Variants in ZC3H4 observed in about 807,000 individuals in gnomAD.
The protein encoded by ZC3H4 is zinc finger CCCH domain-containing protein 4.
ZC3H4 carries 13 observed loss-of-function variants against 108.3 expected under a neutral mutation model. That is an observed-to-expected ratio of 0.12 (90% CI 0.08 to 0.19). The LOEUF is 0.19. Among genes scored for constraint, ZC3H4 ranks in the 10% least tolerant of loss-of-function variants. The pLI is 1.00. For synonymous variants in ZC3H4, 917 were observed against 749.6 expected (o/e 1.22, Z -3.65); for missense variants, 1,734 against 1,838.8 (o/e 0.94, Z 1.04).
chr19:47,086,605 C>T (rs925771218), intron 5 of ZC3H4, 67 bp from the exon 6 acceptor site: 2 of 1,496,756 alleles, frequency 1.3e-6, no homozygotes, highest in African/African-American at 1.4e-5. Context: ...AGAAGACAAC[C>T]CACATTTTGC....
intron 2 of ZC3H4, among the ~76,000 whole-genome samples, chr19:47,101,318 A>C (rs567492183): frequency 1.3e-5 from 2 of 151,922 alleles, no homozygotes; most frequent in South Asian, 4.2e-4. Context: ...TGGGCAACAG[A>C]GTGAGACCCT....
chr19:47,079,958 C>T (rs1472157450), intron 11 of ZC3H4, among the ~76,000 whole-genome samples: 2 of 152,160 alleles, frequency 1.3e-5, no homozygotes, highest in Admixed American at 1.3e-4. Context: ...CCTACAGGCG[C>T]CCTGCCAACG....
At chr19:47,085,236 C>T in intron 7 of ZC3H4, 41 bp from the exon 8 acceptor site, 1 of 1,579,100 alleles carries the variant, frequency 6.3e-7, no homozygotes, top group Non-Finnish European at 8.6e-7. Flanking sequence ...TGACCACCCC[C>T]TCCCCCACCC....
At chr19:47,076,685 C>T (rs2057427567) in intron 11 of ZC3H4, among the ~76,000 whole-genome samples, 1 of 151,866 alleles carries the variant, frequency 6.6e-6, no homozygotes, top group African/African-American at 2.4e-5. Flanking sequence ...GAAACCTTAT[C>T]TCTACTAAAA....
intron 2 of ZC3H4, among the ~76,000 whole-genome samples, chr19:47,105,650 T>C (rs542094718): frequency 1.3e-5 from 2 of 152,084 alleles, no homozygotes; most frequent in African/African-American, 4.8e-5. Flanking sequence ...ACAGGCTGGG[T>C]GGGCTGGCTT....
intron 4 of ZC3H4, 50 bp downstream of exon 4, chr19:47,093,920 G>A (rs2057778115): frequency 6.5e-7 from 1 of 1,531,636 alleles, no homozygotes; most frequent in Non-Finnish European, 9.0e-7. Flanking sequence ...AACACAAGCA[G>A]TTGAACTCCT....
At chr19:47,091,244 C>A (rs558807425) in intron 4 of ZC3H4, among the ~76,000 whole-genome samples, 35 of 152,038 alleles carry the variant, frequency 2.3e-4, no homozygotes, top group African/African-American at 8.2e-4. Flanking sequence ...TGCACTCCAA[C>A]CAGGGTGACA....
At chr19:47,092,816 C>A (rs1002541346) in intron 4 of ZC3H4, among the ~76,000 whole-genome samples, 1 of 146,834 alleles carries the variant, frequency 6.8e-6, no homozygotes, top group Non-Finnish European at 1.5e-5. Context: ...GACTCCGTCT[C>A]AATAAATAAA....
At chr19:47,068,681 G>A (rs1532127) in intron 14 of ZC3H4, among the ~76,000 whole-genome samples, 76,731 of 152,124 alleles carry the variant, frequency 0.5, 22,697 homozygotes, top group Non-Finnish European at 0.68. Flanking sequence ...ACTGAGACTC[G>A]GTGGCTCGTG....
chr19:47,106,673 A>C (rs960863192), intron 2 of ZC3H4, among the ~76,000 whole-genome samples: 26 of 152,260 alleles, frequency 1.7e-4, no homozygotes, highest in African/African-American at 6.3e-4. Flanking sequence ...AAGGTAGGCC[A>C]GACACAGAGG....
Position 47,081,588 on chromosome 19 carries a change from C to T in ZC3H4, c.1365G>A (p.Gly455=), listed in dbSNP as rs1187163486. 6.2e-7 allele frequency: 1 copy of T among 1,614,210 alleles called. No individual in the cohort carries two copies. Among genetic ancestry groups the T allele is most frequent in the East Asian group, 2.2e-5 (1 of 44,892 alleles). ...TGCAGTCGTCACCATTGATGCAGTT[C>T]CCAGTGGTGTGGTACAGCTTACACG... ...DFPCKLYHTT[G]NCINGDDCMF... The change falls in exon 11 of 15, where the codon GGG becomes GGA. Residue 455 remains glycine (G), a synonymous_variant. Coordinates refer to ENST00000253048, the MANE Select transcript of ZC3H4 (RefSeq NM_015168.2).
chr19:47,081,363 C>A, intron 11 of ZC3H4, 150 bp downstream of exon 11: 1 of 647,638 alleles, frequency 1.5e-6, no homozygotes, highest in Non-Finnish European at 2.8e-6. Context: ...GAAGAGGACA[C>A]AGTGCCCGTG....
rs767093518 is a variant in ZC3H4 at position 47,084,427 on chromosome 19, C to T, written c.1136G>A (p.Arg379His). 12 of 1,614,076 alleles carry T rather than the reference C, an allele frequency of 7.4e-6. No individual in the cohort carries two copies. In the Admixed American group the frequency reaches 1.2e-4, roughly 16 times the overall value. ...GDGGGGSYRS[R>H]DHDKPHQQSD... ...CTGCTGGTGGGGCTTGTCATGGTCA[C>T]GACTCCGGTAGCTTCCACCACCACC... is the stretch of plus-strand genomic sequence containing the variant. Residue 379 changes from arginine (R) to histidine (H), a missense_variant, in exon 9 of 15, where the codon CGT becomes CAT. By Grantham distance (29) the Arg-to-His change is conservative. This residue lies in a region of ZC3H4 where 403 missense variants were observed against 457.0 expected (regional missense o/e 0.88). Transcript: ENST00000253048.
At chr19:47,086,636 GCTGCCTCCTCCTCCTTCTCCTCCT>G in intron 5 of ZC3H4, 98 bp from the exon 6 acceptor site, 1 of 1,447,018 alleles carries the variant, frequency 6.9e-7, no homozygotes, top group Non-Finnish European at 9.0e-7. Context: ...AATCACTTCA[GCTGCCTCCTCCTCCTTCTCCTCCT>G]CCTCCTCCTC....
chr19:47,083,410 G>A (rs1165123662), intron 9 of ZC3H4, among the ~76,000 whole-genome samples: 2 of 152,004 alleles, frequency 1.3e-5, no homozygotes, highest in Non-Finnish European at 2.9e-5. Context: ...TTTCTCAACA[G>A]AATAGAAATT....
chr19:47,084,879 A>G (rs1257112764), intron 8 of ZC3H4, among the ~76,000 whole-genome samples, 177 bp downstream of exon 8: 8 of 152,246 alleles, frequency 5.3e-5, no homozygotes, highest in Non-Finnish European at 1.2e-4. Context: ...TCTCAGCAGC[A>G]GCGCATCTCC....
chr19:47,084,307 T>G, intron 9 of ZC3H4, 38 bp downstream of exon 9: 1 of 1,595,580 alleles, frequency 6.3e-7, no homozygotes, highest in Non-Finnish European at 8.6e-7. Flanking sequence ...CTGGGGGCTA[T>G]GGCCTCCTAG....
intron 11 of ZC3H4, among the ~76,000 whole-genome samples, chr19:47,077,496 A>G (rs1419268267): frequency 6.6e-6 from 1 of 151,418 alleles, no homozygotes; most frequent in Non-Finnish European, 1.5e-5. Context: ...GGTACCAAAG[A>G]GGACACACAA....
chr19:47,112,011 G>C (rs2058045572), intron 2 of ZC3H4: 2 of 567,792 alleles, frequency 3.5e-6, no homozygotes, highest in South Asian at 7.6e-5. Context: ...GCCAGGCGAC[G>C]GGCAAGCGGG....
Sources: gnomAD v4.1 joint callset for allele counts (sites outside exome capture counted in the v4.1 genomes callset) on GRCh38, gnomAD v4.1.1 for gene constraint, gnomAD v4.1.1 regional missense constraint, MANE v1.5 for transcripts, NCBI Gene and HGNC (gene_info 2026-07-23, HGNC 2026-07-21) for gene names.